Variants in SVIL observed in about 807,000 individuals in gnomAD.
SVIL encodes the protein supervillin.
SVIL carries 101 observed loss-of-function variants against 240.4 expected under a neutral mutation model. The observed-to-expected ratio is 0.42, with a 90% CI of 0.36 to 0.50. SVIL has a LOEUF of 0.50. SVIL is among the 20% of genes least tolerant of loss of function. The pLI is 0.01. For synonymous variants in SVIL, 999 were observed against 1,100.0 expected (o/e 0.91, Z 1.82); for missense variants, 2,512 against 2,818.7 (o/e 0.89, Z 2.46).
intron 1 of SVIL, among the ~76,000 whole-genome samples, chr10:29,597,061 G>A (rs969409676): frequency 1.3e-5 from 2 of 152,152 alleles, no homozygotes; most frequent in African/African-American, 4.8e-5. Context: ...CTCTAAAAAC[G>A]GTAATTCGGC....
chr10:29,463,436 G>A, intron 35 of SVIL, 56 bp downstream of exon 35: 1 of 1,574,642 alleles, frequency 6.4e-7, no homozygotes, highest in African/African-American at 1.4e-5. Context: ...GGCTGCGCAT[G>A]CCTGAGGGGC....
Position 29,484,872 on chromosome 10 carries a change from C to G in SVIL, c.4780-41G>C. ...CAAAAGAATTTGTTAACTTCAAGAA[C>G]ATGCAACAGTTGAATCAGGTGCAAC... On this transcript the variant is annotated intron_variant, in intron 26 of 37. Transcript: ENST00000355867. The surrounding 1 kb of genome is among the most constrained non-coding windows in gnomAD (Gnocchi z 4.7). 1 of 1,558,000 alleles carries G rather than the reference C, an allele frequency of 6.4e-7. No homozygotes were observed. The highest frequency in any genetic ancestry group is 8.7e-7 in the Non-Finnish European group (1 of 1,148,332).
intron 1 of SVIL, among the ~76,000 whole-genome samples, chr10:29,585,977 G>A (rs1956152156): frequency 6.6e-6 from 1 of 152,254 alleles, no homozygotes; most frequent in Non-Finnish European, 1.5e-5. Flanking sequence ...TTTGGTCCAT[G>A]AGCCATAACC....
chr10:29,655,641 G>C (rs757144147), intron 3 of SVIL, among the ~76,000 whole-genome samples: 8 of 152,104 alleles, frequency 5.3e-5, no homozygotes, highest in Non-Finnish European at 1.0e-4. Context: ...GCCTCCCTTA[G>C]TCCAATCAAG....
intron 2 of SVIL, among the ~76,000 whole-genome samples, chr10:29,681,026 C>A (rs576002185): frequency 6.6e-6 from 1 of 151,946 alleles, no homozygotes; most frequent in East Asian, 1.9e-4. Context: ...GGGCAGGAGA[C>A]GGAAAGTCCA....
intron 1 of SVIL, among the ~76,000 whole-genome samples, chr10:29,715,706 A>C (rs944740317): frequency 2.0e-5 from 3 of 152,222 alleles, no homozygotes; most frequent in African/African-American, 7.2e-5. Context: ...AGACCACTTA[A>C]TTGTACAAGA....
chr10:29,544,535 G>A (rs781441376), intron 6 of SVIL, among the ~76,000 whole-genome samples: 3 of 151,970 alleles, frequency 2.0e-5, no homozygotes, highest in African/African-American at 7.3e-5. Flanking sequence ...CGGGTGGATC[G>A]CTTAACACCA....
intron 5 of SVIL, among the ~76,000 whole-genome samples, chr10:29,551,487 T>G (rs1279399612): frequency 6.6e-6 from 1 of 152,262 alleles, no homozygotes; most frequent in African/African-American, 2.4e-5. Flanking sequence ...GTGCACGTTC[T>G]GCAAGCCCCG....
chr10:29,464,485 C>T (rs1244512473), intron 34 of SVIL, among the ~76,000 whole-genome samples: 1 of 152,108 alleles, frequency 6.6e-6, no homozygotes, highest in African/African-American at 2.4e-5. Context: ...GTTCTACTGC[C>T]TTTTCCTCCT....
Position 29,550,791 on chromosome 10 carries a change from C to G in SVIL, c.633G>C (p.Leu211=). The G allele has an allele frequency of 1.9e-6, 3 of 1,614,144 alleles. No homozygotes were observed. The highest frequency in any genetic ancestry group is 2.5e-6 in the Non-Finnish European group (3 of 1,180,022). Residue 211 remains leucine (L), a synonymous_variant, in exon 6 of 38, where the codon CTG becomes CTC. Coordinates refer to ENST00000355867, the MANE Select transcript of SVIL (RefSeq NM_021738.3). The part of the protein sequence containing the change: ...NIENQRRGQE[L]SATRQAHDLS... ...GGTCATGGGCCTGCCGGGTGGCACT[C>G]AGCTCTTGACCTCGTCTTTGGTTTT...
Position 29,486,175 on chromosome 10 carries a change from G to A in SVIL, c.4689C>T (p.Asn1563=). The A allele has an allele frequency of 1.2e-6, 2 of 1,614,198 alleles. No individual in the cohort carries two copies. The highest frequency in any genetic ancestry group is 1.7e-6 in the Non-Finnish European group (2 of 1,180,032). Residue 1563 remains asparagine, a synonymous_variant, in exon 26 of 38, where the codon AAC becomes AAT. Coordinates refer to ENST00000355867, the MANE Select transcript of SVIL (RefSeq NM_021738.3). ...TGTCATCCATGAGACGGTAAATGCA[G>A]TTAGTTTCTATTATGGCTGCTTCAT... is the stretch of plus-strand genomic sequence containing the variant. ...ELYEAAIIET[N]CIYRLMDDKL... is the part of the protein sequence containing the mutation.
Position 29,532,579 on chromosome 10 carries a change from C to G in SVIL, c.1788G>C (p.Gln596His), listed in dbSNP as rs748559612. ...SMLDTKVSVAQLRSAFLASAN... is the reference protein window; with the variant it reads ...SMLDTKVSVAHLRSAFLASAN... Reference sequence around the variant, plus strand: ...CAGATGCCAGGAACGCACTTCGGAGCTGGGCGACAGAGACTTTTGTGTCCA... The same window carrying G: ...CAGATGCCAGGAACGCACTTCGGAGGTGGGCGACAGAGACTTTTGTGTCCA... Residue 596 changes from glutamine to histidine, a missense_variant, in exon 8 of 38, where the codon CAG (glutamine) becomes CAC (histidine). Gln to His is a conservative substitution (Grantham distance 24). Transcript: ENST00000355867. 5.6e-6 allele frequency: 9 copies of G among 1,613,538 alleles called. No homozygotes were observed. Among genetic ancestry groups the G allele is most frequent in the Middle Eastern group, 1.7e-4 (1 of 6,060 alleles).
intron 3 of SVIL, among the ~76,000 whole-genome samples, chr10:29,555,954 G>A (rs527815214): frequency 1.1e-3 from 164 of 152,292 alleles, no homozygotes; most frequent in African/African-American, 3.7e-3. Context: ...CAGGTCCTCC[G>A]CCTCCCTGCA....
intron 34 of SVIL, among the ~76,000 whole-genome samples, chr10:29,465,205 T>C (rs866447147): frequency 6.6e-6 from 1 of 152,152 alleles, no homozygotes. Flanking sequence ...CCTTCCCCTT[T>C]CTTTCTCTTT....
At chr10:29,553,348 G>C (rs1004756821) in intron 5 of SVIL, among the ~76,000 whole-genome samples, 1 of 152,080 alleles carries the variant, frequency 6.6e-6, no homozygotes, top group Non-Finnish European at 1.5e-5. Flanking sequence ...GGTGGCCGAG[G>C]CAGGCGGATC....
At chr10:29,518,018 A>C (rs1950325223) in intron 16 of SVIL, among the ~76,000 whole-genome samples, 1 of 152,238 alleles carries the variant, frequency 6.6e-6, no homozygotes, top group Admixed American at 6.5e-5. Context: ...ATCCGGTGGG[A>C]AAAGTCGATT....
At chr10:29,548,580 ACAGT>A (rs138882401) in intron 6 of SVIL, among the ~76,000 whole-genome samples, 285 of 152,242 alleles carry the variant, frequency 1.9e-3, no homozygotes, top group Admixed American at 3.8e-3. Flanking sequence ...ATCCTTTTAC[ACAGT>A]GGTTTTCTAA....
chr10:29,534,072 C>T (rs1411711363), intron 7 of SVIL, among the ~76,000 whole-genome samples: 1 of 152,154 alleles, frequency 6.6e-6, no homozygotes, highest in Non-Finnish European at 1.5e-5. Flanking sequence ...GGCATGTGGC[C>T]AGTCTGGGCA....
rs552615149 is a variant in SVIL, at chr10:29,502,161, A to G, written c.3517-2898T>C. 1.8e-3 allele frequency among the ~76,000 whole-genome samples: 275 copies of G among 152,318 alleles called. 12 individuals are homozygous for G. In the South Asian group the frequency reaches 0.054, roughly 30 times the overall value. ...TCCCTTCTGAATAGTAATATTAAACATAAATGTTTTTGTTTTCTAGAAATT... is the reference window on the plus strand; with the variant it reads ...TCCCTTCTGAATAGTAATATTAAACGTAAATGTTTTTGTTTTCTAGAAATT... On this transcript the variant is annotated intron_variant, in intron 17 of 37. Coordinates refer to ENST00000355867, the MANE Select transcript of SVIL (RefSeq NM_021738.3).
Sources: gnomAD v4.1 joint callset for allele counts (sites outside exome capture counted in the v4.1 genomes callset) on GRCh38, gnomAD v4.1.1 for gene constraint, Gnocchi (gnomAD v3.1) non-coding constraint, MANE v1.5 for transcripts, NCBI Gene and HGNC (gene_info 2026-07-23, HGNC 2026-07-21) for gene names.